MAPK8IP3: variants seen among roughly 807,000 people sequenced by gnomAD.
The protein encoded by MAPK8IP3 is C-Jun-amino-terminal kinase-interacting protein 3.
A neutral mutation model predicts 157.8 loss-of-function variants in MAPK8IP3; 49 were observed. The ratio of observed to expected loss-of-function variants is 0.31; its 90% confidence interval spans 0.25 to 0.39. The LOEUF (loss-of-function observed/expected upper bound fraction) is 0.39. MAPK8IP3 is among the 10% of genes least tolerant of loss of function. The pLI, the probability that MAPK8IP3 is intolerant of heterozygous loss-of-function variation, is 1.00. For missense variants in MAPK8IP3, 1,478 were observed against 1,889.4 expected (o/e 0.78, Z 4.04); for synonymous variants, 897 against 777.7 (o/e 1.15, Z -2.55).
intron 17 of MAPK8IP3, 102 bp downstream of exon 17, chr16:1,763,885 G>A (rs560659487): frequency 9.9e-7 from 1 of 1,011,806 alleles, no homozygotes; most frequent in Non-Finnish European, 1.4e-6. Flanking sequence ...GCAGTGCTAG[G>A]GGGTGGGAGA....
chr16:1,754,428 C>T (rs988442685), intron 8 of MAPK8IP3, among the ~76,000 whole-genome samples: 27 of 152,144 alleles, frequency 1.8e-4, no homozygotes, highest in African/African-American at 6.0e-4. Flanking sequence ...TCTGCATGGA[C>T]GAGGCAGCCC....
chr16:1,750,274 G>A (rs926488850), intron 8 of MAPK8IP3, among the ~76,000 whole-genome samples: 3 of 151,894 alleles, frequency 2.0e-5, no homozygotes, highest in South Asian at 2.1e-4. Context: ...ATGCAGTGGC[G>A]CCATCTTGGC....
chr16:1,759,947 TTC>T lies in MAPK8IP3; in HGVS notation c.1247-9_1247-8del, dbSNP rs756948773. 1.2e-6 allele frequency: 2 copies of T among 1,613,876 alleles called. No homozygotes were observed. The highest frequency in any genetic ancestry group is 8.5e-7 in the Non-Finnish European group (1 of 1,179,736). On this transcript the variant is annotated splice_polypyrimidine_tract_variant and intron_variant, in intron 10 of 31. Coordinates refer to ENST00000610761, the MANE Select transcript of MAPK8IP3 (RefSeq NM_001318852.2). ...AGGGCACAGGTGAAACCTCCGCACC[TTC>T]TGTTTCAGGAATGGGCAAAGAAGTG...
chr16:1,728,092 C>T (rs573835615), intron 2 of MAPK8IP3, among the ~76,000 whole-genome samples: 3 of 152,336 alleles, frequency 2.0e-5, no homozygotes, highest in South Asian at 4.1e-4. Flanking sequence ...GCTGTGGAGG[C>T]GGCCATCAGG....
intron 10 of MAPK8IP3, among the ~76,000 whole-genome samples, chr16:1,759,639 G>A (rs376716025): frequency 2.6e-5 from 4 of 152,192 alleles, no homozygotes; most frequent in African/African-American, 4.8e-5. Flanking sequence ...TGGTGGCTCC[G>A]AGAGGGCCTG....
chr16:1,769,077 C>T lies in MAPK8IP3; in HGVS notation c.*253C>T, dbSNP rs995702296. ...AGTTTCCCGGGCAGCTCCTGGCCAG[C>T]TTCCAGCCCAGAGTCCTCAAGTCCA... is the stretch of plus-strand genomic sequence containing the variant. On this transcript the variant is annotated 3_prime_UTR_variant, in exon 32 of 32. Coordinates refer to ENST00000610761, the MANE Select transcript of MAPK8IP3 (RefSeq NM_001318852.2). The T allele has an allele frequency of 3.0e-5, 16 of 539,446 alleles. No homozygotes were observed. Among genetic ancestry groups the T allele is most frequent in the Non-Finnish European group, 4.7e-5 (14 of 300,122 alleles). The allele number at this position is 539,446 out of a possible 1,614,324, so 33.4% of individuals were successfully genotyped here. A position where few individuals can be genotyped will look rare whatever the true frequency, so the allele number is the denominator to read the frequency against.
intron 8 of MAPK8IP3, among the ~76,000 whole-genome samples, chr16:1,753,163 T>C (rs2041390764): frequency 6.6e-6 from 1 of 152,182 alleles, no homozygotes; most frequent in South Asian, 2.1e-4. Flanking sequence ...GCCCTGCACC[T>C]CTCTCAGCAT....
intron 16 of MAPK8IP3, 114 bp from the exon 17 acceptor site, chr16:1,763,543 G>A: frequency 1.5e-6 from 2 of 1,334,834 alleles, no homozygotes; most frequent in East Asian, 2.9e-5. Context: ...CCGGGAAAAG[G>A]CGAGGATGGG....
intron 2 of MAPK8IP3, among the ~76,000 whole-genome samples, chr16:1,728,693 C>T (rs1453785065): frequency 1.4e-5 from 2 of 147,620 alleles, no homozygotes; most frequent in Non-Finnish European, 1.5e-5. Flanking sequence ...ACAGCAGCCC[C>T]CCAGACGGCC....
chr16:1,737,744 G>A (rs1217160580), intron 4 of MAPK8IP3, among the ~76,000 whole-genome samples: 2 of 58,426 alleles, frequency 3.4e-5, no homozygotes, highest in East Asian at 9.8e-4. Flanking sequence ...CCGTGTGAGC[G>A]TGACCATCCG....
intron 3 of MAPK8IP3, 77 bp downstream of exon 3, chr16:1,729,285 C>T: frequency 2.0e-6 from 3 of 1,516,798 alleles, no homozygotes; most frequent in East Asian, 2.3e-5. Context: ...TCTTGCGGAC[C>T]GTGGTTTTCT....
At chr16:1,735,097 C>T (rs1447658205) in intron 4 of MAPK8IP3, 2 of 152,510 alleles carry the variant, frequency 1.3e-5, no homozygotes, top group African/African-American at 4.8e-5. Context: ...GTTCCAGGGC[C>T]TCTTGTCAAA....
intron 1 of MAPK8IP3, among the ~76,000 whole-genome samples, chr16:1,708,330 G>C (rs777505291): frequency 6.6e-4 from 100 of 152,234 alleles, no homozygotes; most frequent in Non-Finnish European, 1.2e-3. Flanking sequence ...GGCTGCCCTC[G>C]CTCAGCTGTG....
chr16:1,718,100 G>T (rs559104176), intron 1 of MAPK8IP3, among the ~76,000 whole-genome samples: 1 of 151,906 alleles, frequency 6.6e-6, no homozygotes, highest in Non-Finnish European at 1.5e-5. Flanking sequence ...AGGTTCGCCC[G>T]CCTCGGACTC....
intron 4 of MAPK8IP3, among the ~76,000 whole-genome samples, chr16:1,734,721 C>T (rs1011123153): frequency 1.3e-5 from 2 of 152,276 alleles, no homozygotes; most frequent in African/African-American, 4.8e-5. Flanking sequence ...TGTCCTGCCA[C>T]AACCTTTGGT....
In MAPK8IP3 at chr16:1,769,015, G is replaced by A. The variant is rs1220468702; in HGVS notation, c.*191G>A. Reference sequence around the variant, plus strand: ...CGGATCAGCTGGGAGGAGGAGGGGAGGGGAACTTCCACCCGAGGGGAAGAT... The same window carrying A: ...CGGATCAGCTGGGAGGAGGAGGGGAAGGGAACTTCCACCCGAGGGGAAGAT... On this transcript the variant is annotated 3_prime_UTR_variant, in exon 32 of 32. Coordinates refer to ENST00000610761, the MANE Select transcript of MAPK8IP3 (RefSeq NM_001318852.2). The A allele has an allele frequency of 3.2e-5, 21 of 663,702 alleles. No individual in the cohort carries two copies. Among genetic ancestry groups the A allele is most frequent in the East Asian group, 1.9e-4 (7 of 36,192 alleles). 41.1% of individuals were successfully genotyped at this position (663,702 alleles called of 1,614,324 possible).
At chr16:1,711,773 C>G (rs1468469257) in intron 1 of MAPK8IP3, among the ~76,000 whole-genome samples, 7 of 151,990 alleles carry the variant, frequency 4.6e-5, no homozygotes, top group Non-Finnish European at 7.4e-5. Flanking sequence ...AACCCCGTCT[C>G]TACTAAAAAT....
In MAPK8IP3 at chr16:1,768,280, G is replaced by A. The variant is rs1246462579; in HGVS notation, c.3644G>A (p.Arg1215Lys). Reference sequence around the variant, plus strand: ...GTGTATGGCGATGACAGCAGTGACAGGGCGGCCAGCAGCTTCATCCCCTAC... The same window carrying A: ...GTGTATGGCGATGACAGCAGTGACAAGGCGGCCAGCAGCTTCATCCCCTAC... ...IHVYGDDSSD[R>K]AASSFIPYCS... The change falls in exon 30 of 32, where the codon AGG (arginine) becomes AAG (lysine). Residue 1215 changes from arginine (R) to lysine (K), a missense_variant. Arg to Lys is a conservative substitution (Grantham distance 26, BLOSUM62 2). This residue lies in a region of MAPK8IP3 where 83 missense variants were observed against 85.3 expected (regional missense o/e 0.97). Transcript: ENST00000610761. 1.2e-6 allele frequency: 2 copies of A among 1,611,632 alleles called. No individual in the cohort carries two copies. Among genetic ancestry groups the A allele is most frequent in the Admixed American group, 1.7e-5 (1 of 60,020 alleles).
intron 1 of MAPK8IP3, among the ~76,000 whole-genome samples, chr16:1,719,604 G>A (rs189306186): frequency 4.0e-5 from 6 of 151,322 alleles, no homozygotes; most frequent in East Asian, 1.9e-4. Flanking sequence ...GGAGGCTGAG[G>A]GGGGATCGCT....
Sources: gnomAD v4.1 joint callset for allele counts (sites outside exome capture counted in the v4.1 genomes callset) on GRCh38, gnomAD v4.1.1 for gene constraint, gnomAD v4.1.1 regional missense constraint, MANE v1.5 for transcripts, NCBI Gene and HGNC (gene_info 2026-07-23, HGNC 2026-07-21) for gene names.